The following NTNG1 variants were observed in gnomAD, a reference collection of about 807,000 sequenced individuals.
The protein encoded by NTNG1 is netrin-G1.
In NTNG1, 16 loss-of-function variants were observed where a neutral mutation model predicts 54.0. The ratio of observed to expected loss-of-function variants is 0.30; its 90% CI spans 0.20 to 0.45. The LOEUF is 0.45. NTNG1 is among the 20% of genes least tolerant of loss of function. The pLI is 1.00. For synonymous variants in NTNG1, 255 were observed against 263.1 expected, an observed-to-expected ratio of 0.97 and a Z score of 0.30; for missense variants, 530 against 678.7, an observed-to-expected ratio of 0.78 and a Z score of 2.43.
intron 3 of NTNG1, among the ~76,000 whole-genome samples, chr1:107,376,225 A>ACG (rs1671225025): frequency 6.6e-6 from 1 of 151,846 alleles, no homozygotes; most frequent in Non-Finnish European, 1.5e-5. Flanking sequence ...TCGAGACCAC[A>ACG]GTGAAACCCC....
intron 7 of NTNG1, among the ~76,000 whole-genome samples, chr1:107,437,089 C>A (rs1374529639): frequency 6.6e-6 from 1 of 152,020 alleles, no homozygotes; most frequent in Admixed American, 6.6e-5. Flanking sequence ...ACAATAGGGA[C>A]CCAGCGTGGA....
rs193126263 is a variant in NTNG1 at position 107,390,446 on chromosome 1, T to G, written c.888-4708T>G. Among the ~76,000 whole-genome samples, 4 of 152,316 alleles carry G rather than the reference T, an allele frequency of 2.6e-5. No individual in the cohort carries two copies. In the East Asian group the frequency reaches 7.7e-4, roughly 29 times the overall value. On this transcript the variant is annotated intron_variant, in intron 3 of 7. Transcript: ENST00000370068. Reference sequence around the variant, plus strand: ...CTTTCAAACATTGTTTAAGAAGCTCTTGTTTTGGGTTTCAGTCATCTGATG... The same window carrying G: ...CTTTCAAACATTGTTTAAGAAGCTCGTGTTTTGGGTTTCAGTCATCTGATG...
intron 2 of NTNG1, among the ~76,000 whole-genome samples, chr1:107,245,637 TTTACAGA>T (rs1198326710): frequency 3.3e-5 from 5 of 152,230 alleles, no homozygotes; most frequent in Non-Finnish European, 7.3e-5. Flanking sequence ...ATTTGAATGA[TTTACAGA>T]ACGTTAATCT....
chr1:107,265,102 G>A (rs1436347766), intron 2 of NTNG1, among the ~76,000 whole-genome samples: 1 of 152,152 alleles, frequency 6.6e-6, no homozygotes, highest in Non-Finnish European at 1.5e-5. Context: ...TGCTGGTGTG[G>A]TGATTGTGTC....
intron 2 of NTNG1, among the ~76,000 whole-genome samples, chr1:107,226,919 T>G (rs1035880964): frequency 6.6e-6 from 1 of 152,136 alleles, no homozygotes; most frequent in Non-Finnish European, 1.5e-5. Flanking sequence ...GGATACTGCT[T>G]GGTGCAGCAA....
intron 3 of NTNG1, among the ~76,000 whole-genome samples, chr1:107,367,522 ATACCT>A (rs1670669636): frequency 6.6e-6 from 1 of 152,090 alleles, no homozygotes; most frequent in Non-Finnish European, 1.5e-5. Context: ...AAATCCTGGA[ATACCT>A]TTATGCCTGT....
At chr1:107,241,577 G>A (rs1661832635) in intron 2 of NTNG1, among the ~76,000 whole-genome samples, 1 of 152,158 alleles carries the variant, frequency 6.6e-6, no homozygotes, top group Non-Finnish European at 1.5e-5. Context: ...ACTAAATCAT[G>A]CATCCTACAA....
At chr1:107,343,960 C>T (rs1669071765) in intron 3 of NTNG1, among the ~76,000 whole-genome samples, 1 of 151,992 alleles carries the variant, frequency 6.6e-6, no homozygotes, top group East Asian at 1.9e-4. Context: ...AGGCAGAGTT[C>T]TGCCTGTGAA....
At chr1:107,474,156 A>T (rs971772628) in intron 7 of NTNG1, among the ~76,000 whole-genome samples, 1 of 152,230 alleles carries the variant, frequency 6.6e-6, no homozygotes, top group Non-Finnish European at 1.5e-5. Flanking sequence ...CCAGCACTGG[A>T]TCAAGTGTTG....
intron 2 of NTNG1, among the ~76,000 whole-genome samples, chr1:107,151,755 A>G (rs1185179088): frequency 6.6e-6 from 1 of 152,106 alleles, no homozygotes; most frequent in East Asian, 1.9e-4. Flanking sequence ...CTATCCATGA[A>G]TGTTGCATTT....
chr1:107,327,263 C>T (rs757751995), intron 3 of NTNG1, among the ~76,000 whole-genome samples: 2 of 152,036 alleles, frequency 1.3e-5, no homozygotes. Context: ...TATTTTTAGT[C>T]TTAGGGGAGG....
intron 2 of NTNG1, among the ~76,000 whole-genome samples, chr1:107,294,084 CA>C (rs1665793113): frequency 1.3e-5 from 2 of 152,164 alleles, no homozygotes; most frequent in African/African-American, 4.8e-5. Context: ...CACCATCTGC[CA>C]CATAGCAAGT....
intron 2 of NTNG1, among the ~76,000 whole-genome samples, chr1:107,166,236 A>C (rs1655783326): frequency 6.6e-6 from 1 of 152,200 alleles, no homozygotes. Context: ...ATAGAAGGAC[A>C]TTCTAGCTTA....
At chr1:107,376,330 C>A (rs1473649547) in intron 3 of NTNG1, among the ~76,000 whole-genome samples, 1 of 151,858 alleles carries the variant, frequency 6.6e-6, no homozygotes, top group African/African-American at 2.4e-5. Flanking sequence ...ATGGCGTGAA[C>A]CCGGGAGGCG....
intron 3 of NTNG1, among the ~76,000 whole-genome samples, chr1:107,325,826 A>T (rs575789573): frequency 1.1e-4 from 16 of 152,104 alleles, no homozygotes; most frequent in Admixed American, 4.6e-4. Context: ...AAGCAAAGAA[A>T]TAACACCCCA....
intron 2 of NTNG1, among the ~76,000 whole-genome samples, chr1:107,220,511 C>G (rs1485330577): frequency 2.6e-5 from 4 of 152,150 alleles, no homozygotes; most frequent in African/African-American, 7.2e-5. Context: ...CATACAGTAT[C>G]AGCTTTTGCA....
chr1:107,249,100 A>G (rs961737193), intron 2 of NTNG1, among the ~76,000 whole-genome samples: 1 of 148,836 alleles, frequency 6.7e-6, no homozygotes, highest in Non-Finnish European at 1.5e-5. Context: ...TGGGGGTTGC[A>G]GTAAGCCGAG....
intron 2 of NTNG1, among the ~76,000 whole-genome samples, chr1:107,286,963 A>C (rs944453914): frequency 2.6e-4 from 40 of 152,276 alleles, no homozygotes; most frequent in African/African-American, 9.1e-4. Flanking sequence ...TCCTTCACAC[A>C]TCTGTACAGG....
intron 7 of NTNG1, among the ~76,000 whole-genome samples, chr1:107,440,469 G>T (rs1233726843): frequency 6.6e-6 from 1 of 152,066 alleles, no homozygotes; most frequent in Non-Finnish European, 1.5e-5. Flanking sequence ...ATCTAAAATG[G>T]GGTAATAATA....
Sources: allele counts gnomAD v4.1 joint callset (sites outside exome capture counted in the v4.1 genomes callset), GRCh38; gene constraint gnomAD v4.1.1; transcripts MANE v1.5; gene names NCBI Gene and HGNC (gene_info 2026-07-23, HGNC 2026-07-21).